Variants in DNAH14 observed in about 807,000 individuals in gnomAD.
The protein encoded by DNAH14 is dynein axonemal heavy chain 14.
DNAH14 carries 478 observed loss-of-function variants against 520.9 expected under a neutral mutation model. That is an observed-to-expected ratio of 0.92 (90% CI 0.85 to 0.99). DNAH14 has a LOEUF of 0.99. Among genes scored for constraint, DNAH14 ranks in the 50% least tolerant of loss-of-function variants. The probability of loss-of-function intolerance (pLI) is 0.00; values close to 1 mark genes in which losing one functional copy is unlikely to be tolerated. For synonymous variants in DNAH14, 1,581 were observed against 1,757.2 expected (o/e 0.90, Z 2.51); for missense variants, 4,831 against 5,234.5 (o/e 0.92, Z 2.38).
chr1:225,136,947 AT>A (rs1553470029), intron 27 of DNAH14, among the ~76,000 whole-genome samples: 2 of 152,108 alleles, frequency 1.3e-5, no homozygotes, highest in Non-Finnish European at 2.9e-5. Context: ...CTATTCTGCT[AT>A]TGATACTTGT....
At chr1:225,048,980 C>G (rs1220141971) in intron 15 of DNAH14, among the ~76,000 whole-genome samples, 1 of 144,270 alleles carries the variant, frequency 6.9e-6, no homozygotes, top group South Asian at 2.2e-4. Context: ...TATTGTTCAT[C>G]TTTTATTATG....
chr1:225,247,091 C>T (rs530263675), intron 43 of DNAH14, among the ~76,000 whole-genome samples: 4 of 152,268 alleles, frequency 2.6e-5, no homozygotes, highest in Admixed American at 2.0e-4. Flanking sequence ...ATGGTTGAGG[C>T]TGGAAGCCAT....
At chr1:225,287,654 C>A (rs1009497052) in intron 54 of DNAH14, among the ~76,000 whole-genome samples, 1 of 152,036 alleles carries the variant, frequency 6.6e-6, no homozygotes, top group African/African-American at 2.4e-5. Flanking sequence ...GCAGTGATCT[C>A]CAGTAGCAAT....
intron 7 of DNAH14, 122 bp downstream of exon 7, chr1:224,968,996 C>T (rs1275552162): frequency 1.6e-6 from 1 of 641,456 alleles, no homozygotes; most frequent in Non-Finnish European, 2.6e-6. Context: ...ATTCTTTTAT[C>T]TAAAAATTTT....
chr1:225,272,923 T>A lies in DNAH14; in HGVS notation c.7840-32T>A, dbSNP rs570476055. 7.6e-4 allele frequency: 1,134 copies of A among 1,495,452 alleles called. 2 individuals carry two copies. The African/African-American group carries it at 0.01, about 14-fold the overall frequency. The allele number at this position is 1,495,452 out of a possible 1,614,324, so 92.6% of individuals were successfully genotyped here. ...TCACATACTACCCTGCTAATTTTTT[T>A]TAAAAAAACGTTATTTTTAAATCCC... is the stretch of plus-strand genomic sequence containing the variant. On this transcript the variant is annotated intron_variant, in intron 51 of 85. Transcript: ENST00000682510.
chr1:225,156,908 G>T (rs2081103123), intron 34 of DNAH14, among the ~76,000 whole-genome samples: 1 of 118,734 alleles, frequency 8.4e-6, no homozygotes. Flanking sequence ...GTAGAGACGG[G>T]GTTTCACCGT....
intron 83 of DNAH14, among the ~76,000 whole-genome samples, chr1:225,390,791 C>T (rs2095899772): frequency 6.6e-6 from 1 of 152,168 alleles, no homozygotes; most frequent in Non-Finnish European, 1.5e-5. Flanking sequence ...TCATGACAAT[C>T]TTATGAGGTT....
intron 8 of DNAH14, among the ~76,000 whole-genome samples, chr1:224,977,544 A>G (rs1206398080): frequency 6.6e-6 from 1 of 152,176 alleles, no homozygotes; most frequent in Non-Finnish European, 1.5e-5. Context: ...AGAGGAGGGA[A>G]GGAAACTTTT....
chr1:225,216,808 C>G (rs1290061003), intron 41 of DNAH14, among the ~76,000 whole-genome samples: 1 of 152,074 alleles, frequency 6.6e-6, no homozygotes, highest in Non-Finnish European at 1.5e-5. Context: ...AATCTTTTTT[C>G]AAGGTTTTTA....
intron 47 of DNAH14, among the ~76,000 whole-genome samples, chr1:225,264,556 T>C (rs2093048004): frequency 6.6e-6 from 1 of 152,118 alleles, no homozygotes; most frequent in African/African-American, 2.4e-5. Context: ...AGGCAATATC[T>C]GTCTATTCTA....
chr1:225,027,867 C>CTTT (rs35422787), intron 11 of DNAH14, among the ~76,000 whole-genome samples: 1 of 149,500 alleles, frequency 6.7e-6, no homozygotes. Flanking sequence ...TTGTCAAATG[C>CTTT]TTTTTTTTTT....
intron 17 of DNAH14, among the ~76,000 whole-genome samples, chr1:225,058,417 C>G (rs2069477518): frequency 6.6e-6 from 1 of 152,112 alleles, no homozygotes; most frequent in African/African-American, 2.4e-5. Flanking sequence ...TGATTCTTCT[C>G]TCTTTTCTTC....
chr1:225,173,357 T>C (rs543515349), intron 36 of DNAH14, among the ~76,000 whole-genome samples: 15 of 152,224 alleles, frequency 9.9e-5, no homozygotes, highest in African/African-American at 3.6e-4. Flanking sequence ...TGCAATCTAC[T>C]CATCTGACAA....
chr1:225,080,915 G>T (rs1446821599), intron 19 of DNAH14, among the ~76,000 whole-genome samples, 167 bp downstream of exon 19: 2 of 152,108 alleles, frequency 1.3e-5, no homozygotes, highest in African/African-American at 4.8e-5. Flanking sequence ...AGGCAAAAAA[G>T]AGATTAAGTC....
chr1:225,238,832 G>T (rs2091783261), intron 42 of DNAH14, among the ~76,000 whole-genome samples: 1 of 152,156 alleles, frequency 6.6e-6, no homozygotes, highest in Non-Finnish European at 1.5e-5. Flanking sequence ...TGAAACCTCT[G>T]CATGGAGGCC....
Position 225,344,377 on chromosome 1 carries a change from C to T in DNAH14, c.10679-1585C>T, listed in dbSNP as rs117096099. Among the ~76,000 whole-genome samples, 37 of 152,280 alleles carry T rather than the reference C, an allele frequency of 2.4e-4. 2 individuals are homozygous for T. In the East Asian group the frequency reaches 6.9e-3, roughly 29 times the overall value. Reference sequence around the variant, plus strand: ...TTATTTTCCTGATTCTCTCCCTTCTCCTACTCACTACCCTCTAATCGGTTC... The same window carrying T: ...TTATTTTCCTGATTCTCTCCCTTCTTCTACTCACTACCCTCTAATCGGTTC... On this transcript the variant is annotated intron_variant, in intron 69 of 85. Coordinates refer to ENST00000682510, the MANE Select transcript of DNAH14 (RefSeq NM_001367479.1).
At chr1:225,225,303 T>C (rs1001027039) in intron 41 of DNAH14, among the ~76,000 whole-genome samples, 1 of 152,214 alleles carries the variant, frequency 6.6e-6, no homozygotes. Flanking sequence ...TATGTACATG[T>C]ATTCATTGAT....
rs566510592 is a variant in DNAH14 at position 225,009,649 on chromosome 1, A to G, written c.1107+2105A>G. 5.3e-5 allele frequency among the ~76,000 whole-genome samples: 8 copies of G among 152,250 alleles called. No homozygotes were observed. In the South Asian group the frequency reaches 1.0e-3, roughly 20 times the overall value. ...TTTTCTAATTACGTGAAGAAAGTCAATGGTAGCTTGATGGGAATAGCATTG... is the reference window on the plus strand; with the variant it reads ...TTTTCTAATTACGTGAAGAAAGTCAGTGGTAGCTTGATGGGAATAGCATTG... On this transcript the variant is annotated intron_variant, in intron 10 of 85. Coordinates refer to ENST00000682510, the MANE Select transcript of DNAH14 (RefSeq NM_001367479.1).
At chr1:225,157,860 G>A (rs2081187790) in intron 34 of DNAH14, among the ~76,000 whole-genome samples, 1 of 152,160 alleles carries the variant, frequency 6.6e-6, no homozygotes, top group South Asian at 2.1e-4. Flanking sequence ...TCAGGGAAAT[G>A]TAAATGACTA....
Sources: gnomAD v4.1 joint callset for allele counts (sites outside exome capture counted in the v4.1 genomes callset) on GRCh38, gnomAD v4.1.1 for gene constraint, MANE v1.5 for transcripts, NCBI Gene and HGNC (gene_info 2026-07-23, HGNC 2026-07-21) for gene names.